IFT74: variants seen among roughly 807,000 people sequenced by gnomAD.
IFT74 encodes intraflagellar transport 74.
Under a neutral mutation model 96.7 loss-of-function variants are expected in IFT74, and 92 were observed. The observed-to-expected ratio is 0.95, with a 90% CI of 0.80 to 1.13. The LOEUF (loss-of-function observed/expected upper bound fraction) is 1.13, where lower values mean the gene tolerates loss of function less well. Ranked by LOEUF, IFT74 falls within the 50% of genes most tolerant of loss-of-function variation. The pLI is 0.00. For synonymous variants in IFT74, 223 were observed against 213.2 expected, an observed-to-expected ratio of 1.05 and a Z score of -0.40; for missense variants, 811 against 698.2, an observed-to-expected ratio of 1.16 and a Z score of -1.82.
At chr9:26,999,773 T>C in intron 8 of IFT74, 4 of 512,052 alleles carry the variant, frequency 7.8e-6, no homozygotes, top group Admixed American at 9.7e-5. Flanking sequence ...GTTTATTCTT[T>C]TTTTTTTTTT....
intron 2 of IFT74, among the ~76,000 whole-genome samples, chr9:26,963,168 C>T (rs1326856517): frequency 4.0e-5 from 6 of 151,630 alleles, no homozygotes; most frequent in Non-Finnish European, 7.4e-5. Context: ...TCCATGTGAT[C>T]TCATTGTTCA....
At chr9:27,036,335 G>A (rs1819179206) in intron 13 of IFT74, 2 of 1,345,160 alleles carry the variant, frequency 1.5e-6, no homozygotes, top group South Asian at 1.6e-5. Context: ...TTAGAAAATT[G>A]GGTGAAACCT....
intron 12 of IFT74, among the ~76,000 whole-genome samples, chr9:27,020,601 A>T (rs917959985): frequency 2.3e-4 from 34 of 150,288 alleles, no homozygotes; most frequent in Non-Finnish European, 3.5e-4. Flanking sequence ...CAGCCTCCCC[A>T]GTAGCTGGGA....
chr9:27,043,331 AGCTGTTT>A (rs1006152586), intron 13 of IFT74, among the ~76,000 whole-genome samples: 5 of 152,206 alleles, frequency 3.3e-5, no homozygotes, highest in Admixed American at 3.3e-4. Flanking sequence ...AAGGCAGAAA[AGCTGTTT>A]GCTAATCCAC....
chr9:27,044,815 AT>A lies in IFT74; in HGVS notation c.1108+21del. ...TGGACAGTAAGTGATATTCTTGTAGATATAAAAATATAATATTTTCAGATTG... is the reference window on the plus strand; with the variant it reads ...TGGACAGTAAGTGATATTCTTGTAGAATAAAAATATAATATTTTCAGATTG... On this transcript the variant is annotated intron_variant, in intron 14 of 19. Coordinates refer to ENST00000380062, the MANE Select transcript of IFT74 (RefSeq NM_025103.4). 1 of 1,341,792 alleles carries A rather than the reference AT, an allele frequency of 7.5e-7. No individual in the cohort carries two copies. Among genetic ancestry groups the A allele is most frequent in the Non-Finnish European group, 1.0e-6 (1 of 966,844 alleles). 83.1% of individuals were successfully genotyped at this position (1,341,792 alleles called of 1,614,324 possible). A position where few individuals can be genotyped will look rare whatever the true frequency, so the allele number is the denominator to read the frequency against.
At chr9:27,013,396 A>G (rs1056185234) in intron 10 of IFT74, among the ~76,000 whole-genome samples, 1 of 152,214 alleles carries the variant, frequency 6.6e-6, no homozygotes, top group African/African-American at 2.4e-5. Flanking sequence ...GTGAAAGCAT[A>G]CATTTTATGC....
chr9:27,027,867 T>A (rs147838029), intron 12 of IFT74, among the ~76,000 whole-genome samples: 1 of 152,184 alleles, frequency 6.6e-6, no homozygotes. Context: ...TAGTGTCATA[T>A]CTAAGAAACC....
At position 27,023,886 on chromosome 9, in the gene IFT74, C is replaced by T. The variant is rs369992808; in HGVS notation, c.975-5139C>T. On this transcript the variant is annotated intron_variant, in intron 12 of 19. Coordinates refer to ENST00000380062, the MANE Select transcript of IFT74 (RefSeq NM_025103.4). ...CCCGACCTGATGGTCTTTCTCTACCCGCCTCGTAGCCAAAGACAAAAGACA... is the reference window on the plus strand; with the variant it reads ...CCCGACCTGATGGTCTTTCTCTACCTGCCTCGTAGCCAAAGACAAAAGACA... Among the ~76,000 whole-genome samples the T allele has an allele frequency of 4.6e-5, 7 of 152,264 alleles. No individual in the cohort carries two copies. The South Asian group carries it at 8.3e-4, about 18-fold the overall frequency.
chr9:27,057,878 T>C (rs980705580), intron 18 of IFT74, among the ~76,000 whole-genome samples: 2 of 151,810 alleles, frequency 1.3e-5, no homozygotes, highest in Non-Finnish European at 2.9e-5. Context: ...CAAAACTCTC[T>C]TTTTCTTCAT....
At chr9:27,041,363 T>TGG (rs1025153549) in intron 13 of IFT74, among the ~76,000 whole-genome samples, 67 of 152,204 alleles carry the variant, frequency 4.4e-4, no homozygotes, top group African/African-American at 1.4e-3. Context: ...GTACACCTAA[T>TGG]GGAGTGTAAG....
At chr9:27,028,137 T>C (rs1337200882) in intron 12 of IFT74, among the ~76,000 whole-genome samples, 1 of 152,204 alleles carries the variant, frequency 6.6e-6, no homozygotes, top group Non-Finnish European at 1.5e-5. Flanking sequence ...GGACTCACAA[T>C]TTTAGTCCAT....
chr9:27,042,068 A>T (rs1217598643), intron 13 of IFT74, among the ~76,000 whole-genome samples: 1 of 152,174 alleles, frequency 6.6e-6, no homozygotes, highest in African/African-American at 2.4e-5. Flanking sequence ...TGATGAATGG[A>T]TGGTAAGGAC....
chr9:26,978,310 G>T, intron 3 of IFT74, 47 bp downstream of exon 3: 1 of 1,578,246 alleles, frequency 6.3e-7, no homozygotes, highest in Non-Finnish European at 8.6e-7. Context: ...TGTTTTGTAA[G>T]AAATAAATAA....
chr9:26,999,717 G>A, intron 8 of IFT74: 1 of 1,455,252 alleles, frequency 6.9e-7, no homozygotes, highest in Non-Finnish European at 9.4e-7. Context: ...ATAGAAAAGA[G>A]AGTATTTTCA....
Position 26,956,512 on chromosome 9 carries a change from C to G in IFT74, c.-24C>G, listed in dbSNP as rs1352351048. On this transcript the variant is annotated 5_prime_UTR_variant, in exon 1 of 20. Transcript: ENST00000380062. ...GGCAACTGCCCTCCTTCCGCGCCGG[C>G]GGAGGTGAGAATCCCCGGGTCCCAT... The G allele has an allele frequency of 1.3e-5, 2 of 152,364 alleles. No homozygotes were observed. Among genetic ancestry groups the G allele is most frequent in the Non-Finnish European group, 2.9e-5 (2 of 68,134 alleles). The allele number at this position is 152,364 out of a possible 1,614,324, so 9.4% of individuals were successfully genotyped here. A position where few individuals can be genotyped will look rare whatever the true frequency, so the allele number is the denominator to read the frequency against.
upstream of IFT74, among the ~76,000 whole-genome samples, chr9:26,953,091 G>A (rs1449448102): frequency 6.6e-6 from 1 of 152,174 alleles, no homozygotes; most frequent in African/African-American, 2.4e-5. Flanking sequence ...ATACAGTTAG[G>A]AGTGGTGTTC....
chr9:27,005,911 C>T (rs1563967503), intron 8 of IFT74, among the ~76,000 whole-genome samples: 4 of 152,080 alleles, frequency 2.6e-5, no homozygotes, highest in Non-Finnish European at 5.9e-5. Flanking sequence ...ATGATCTCGG[C>T]TCAATGCAAC....
chr9:27,015,765 T>A (rs903088049), intron 10 of IFT74, among the ~76,000 whole-genome samples: 1 of 152,220 alleles, frequency 6.6e-6, no homozygotes, highest in Non-Finnish European at 1.5e-5. Context: ...ACATGTCAGA[T>A]CCTTAGTTTT....
chr9:27,007,215 A>C (rs1394773691), intron 8 of IFT74, among the ~76,000 whole-genome samples: 1 of 152,136 alleles, frequency 6.6e-6, no homozygotes, highest in Non-Finnish European at 1.5e-5. Flanking sequence ...CAAAGCATCA[A>C]AAAGACCTTA....
Sources: gnomAD v4.1 joint callset for allele counts (sites outside exome capture counted in the v4.1 genomes callset) on GRCh38, gnomAD v4.1.1 for gene constraint, MANE v1.5 for transcripts, NCBI Gene and HGNC (gene_info 2026-07-23, HGNC 2026-07-21) for gene names.